AGPAT4: variants seen among roughly 807,000 people sequenced by gnomAD.
The protein encoded by AGPAT4 is 1-acyl-sn-glycerol-3-phosphate acyltransferase delta.
In AGPAT4, 15 loss-of-function variants were observed where a neutral mutation model predicts 48.0. The observed-to-expected ratio is 0.31, with a 90% CI of 0.21 to 0.48. The LOEUF (loss-of-function observed/expected upper bound fraction) is 0.48. Among genes scored for constraint, AGPAT4 ranks in the 20% least tolerant of loss-of-function variants. AGPAT4 has a pLI of 0.99. For missense variants in AGPAT4, 314 were observed against 482.5 expected (o/e 0.65, Z 3.27); for synonymous variants, 178 against 198.7 (o/e 0.90, Z 0.88).
rs1167676811 is a variant in AGPAT4 at position 161,139,498 on chromosome 6, G to T, written c.966C>A (p.Phe322Leu). 1 of 1,614,000 alleles carries T rather than the reference G, an allele frequency of 6.2e-7. No individual in the cohort carries two copies. The highest frequency in any genetic ancestry group is 8.5e-7 in the Non-Finnish European group (1 of 1,180,028). Residue 322 changes from phenylalanine (F) to leucine (L), a missense_variant, in exon 8 of 9, where the codon TTC (phenylalanine) becomes TTA (leucine). By Grantham distance (22) the Phe-to-Leu change is conservative. Transcript: ENST00000320285. This position sits in a 1 kb window ranked among gnomAD's most constrained non-coding sequence, Gnocchi z 9.1. ...LFWASLVLYP[F>L]FQFLVSMIRS... ...TGATCATGCTGACCAGGAACTGGAA[G>T]AAAGGGTAGAGCACCAGCGAGGCCC...
chr6:161,269,459 G>C (rs1582925008), intron 1 of AGPAT4, among the ~76,000 whole-genome samples: 1 of 152,180 alleles, frequency 6.6e-6, no homozygotes, highest in East Asian at 1.9e-4. Context: ...TGTTTCATTG[G>C]CCAATAAATG....
chr6:161,163,434 G>A (rs1286580258), intron 3 of AGPAT4, among the ~76,000 whole-genome samples: 1 of 152,122 alleles, frequency 6.6e-6, no homozygotes, highest in Non-Finnish European at 1.5e-5. Flanking sequence ...GACAAAAGAT[G>A]TTGCTGAACA....
At position 161,231,821 on chromosome 6, in the gene AGPAT4, T is replaced by C. The variant is rs184381513; in HGVS notation, c.178+215A>G. Among the ~76,000 whole-genome samples the C allele has an allele frequency of 9.2e-5, 14 of 152,308 alleles. No homozygotes were observed. In the East Asian group the frequency reaches 2.7e-3, roughly 29 times the overall value. Reference sequence around the variant, plus strand: ...GTATTTACTTTTCATAGTATACCTGTCTGTGGCTGTTGAATTTTGAGCTAC... The same window carrying C: ...GTATTTACTTTTCATAGTATACCTGCCTGTGGCTGTTGAATTTTGAGCTAC... On this transcript the variant is annotated intron_variant, in intron 2 of 8. Transcript: ENST00000320285. This position sits in a 1 kb window ranked among gnomAD's most constrained non-coding sequence, Gnocchi z 5.3.
chr6:161,169,024 T>A lies in AGPAT4; in HGVS notation c.179-2607A>T, dbSNP rs1780193807. 2.0e-5 allele frequency among the ~76,000 whole-genome samples: 3 copies of A among 152,164 alleles called. No homozygotes were observed. Among genetic ancestry groups the A allele is most frequent in the African/African-American group, 7.2e-5 (3 of 41,424 alleles). On this transcript the variant is annotated intron_variant, in intron 2 of 8. Transcript: ENST00000320285. This position sits in a 1 kb window ranked among gnomAD's most constrained non-coding sequence, Gnocchi z 5.0. ...GGCAATCAATAAATGGACAGCTTTTTAATTACTATTATATGCCTGATAATT... is the reference window on the plus strand; with the variant it reads ...GGCAATCAATAAATGGACAGCTTTTAAATTACTATTATATGCCTGATAATT...
chr6:161,238,956 T>C lies in AGPAT4; in HGVS notation c.-89-6654A>G, dbSNP rs1782397553. The stretch of plus-strand genomic sequence containing the variant: ...TGCAGAACTGTGAGTCAATTAAACC[T>C]CTTTCCTTTATAAATTACCCAGTCT... On this transcript the variant is annotated intron_variant, in intron 1 of 8. Transcript: ENST00000320285. This position sits in a 1 kb window ranked among gnomAD's most constrained non-coding sequence, Gnocchi z 5.2. Among the ~76,000 whole-genome samples, 1 of 152,246 alleles carries C rather than the reference T, an allele frequency of 6.6e-6. No individual in the cohort carries two copies. The highest frequency in any genetic ancestry group is 1.9e-4 in the East Asian group (1 of 5,202).
Position 161,234,586 on chromosome 6 carries a change from A to G in AGPAT4, c.-89-2284T>C, listed in dbSNP as rs918102774. On this transcript the variant is annotated intron_variant, in intron 1 of 8. Transcript: ENST00000320285. The surrounding 1 kb of genome is among the most constrained non-coding windows in gnomAD (Gnocchi z 4.4). ...AGCCACATAAATAGGAGGGGTTTAC[A>G]TGGGTTTGCAGCTTGGCAGCAGTAA... 6.6e-6 allele frequency among the ~76,000 whole-genome samples: 1 copy of G among 152,168 alleles called. No homozygotes were observed. Among genetic ancestry groups the G allele is most frequent in the Admixed American group, 6.5e-5 (1 of 15,268 alleles).
In AGPAT4 at chr6:161,132,172, G is replaced by A. The variant is rs900414422; in HGVS notation, c.*4368C>T. The A allele has an allele frequency of 3.3e-5, 5 of 152,206 alleles. No homozygotes were observed. Among genetic ancestry groups the A allele is most frequent in the African/African-American group, 1.2e-4 (5 of 41,448 alleles). 9.4% of individuals were successfully genotyped at this position (152,206 alleles called of 1,614,324 possible). ...TTTGTCTGGCATGCACATTCAGGAT[G>A]TGACTTCAGCTTCATTCATCCTGGC... On this transcript the variant is annotated 3_prime_UTR_variant, in exon 9 of 9. Transcript: ENST00000320285.
intron 5 of AGPAT4, 91 bp downstream of exon 5, chr6:161,153,255 T>C (rs1005304068): frequency 6.7e-7 from 1 of 1,484,358 alleles, no homozygotes; most frequent in Non-Finnish European, 9.1e-7. Flanking sequence ...AGCTGGGAAG[T>C]GCTGGCAGGA....
rs1374794345 is a variant in AGPAT4, at chr6:161,189,504, A to G, written c.179-23087T>C. On this transcript the variant is annotated intron_variant, in intron 2 of 8. Coordinates refer to ENST00000320285, the MANE Select transcript of AGPAT4 (RefSeq NM_020133.3). This position sits in a 1 kb window ranked among gnomAD's most constrained non-coding sequence, Gnocchi z 5.3. The stretch of plus-strand genomic sequence containing the variant: ...CGTCACATGCGGAATTCACTTACTT[A>G]CAACCTTAGTTGCCCGTCAGGACTA... Among the ~76,000 whole-genome samples, 1 of 152,192 alleles carries G rather than the reference A, an allele frequency of 6.6e-6. No individual in the cohort carries two copies. Among genetic ancestry groups the G allele is most frequent in the Non-Finnish European group, 1.5e-5 (1 of 68,030 alleles).
Position 161,237,017 on chromosome 6 carries a change from G to T in AGPAT4, c.-89-4715C>A, listed in dbSNP as rs1425067049. ...GCAAAAGGGATCGCGGAAACACAAA[G>T]ACATTTTTAAATCATACAGAATAGG... On this transcript the variant is annotated intron_variant, in intron 1 of 8. Coordinates refer to ENST00000320285, the MANE Select transcript of AGPAT4 (RefSeq NM_020133.3). Among the ~76,000 whole-genome samples the T allele has an allele frequency of 2.0e-5, 3 of 152,134 alleles. No homozygotes were observed. In the East Asian group the frequency reaches 5.8e-4, roughly 29 times the overall value.
At chr6:161,167,689 G>A (rs931618346) in intron 2 of AGPAT4, among the ~76,000 whole-genome samples, 1 of 152,172 alleles carries the variant, frequency 6.6e-6, no homozygotes, top group Admixed American at 6.5e-5. Context: ...TTCTCCTCCA[G>A]GCTGGAAGCT....
rs953243825 is a variant in AGPAT4, at chr6:161,144,090, C to A, written c.843+2434G>T. The A allele has an allele frequency of 7.6e-6, 4 of 528,464 alleles. No individual in the cohort carries two copies. Among genetic ancestry groups the A allele is most frequent in the African/African-American group, 5.8e-5 (3 of 51,872 alleles). The allele number at this position is 528,464 out of a possible 1,614,324, so 32.7% of individuals were successfully genotyped here. A position where few individuals can be genotyped will look rare whatever the true frequency, so the allele number is the denominator to read the frequency against. On this transcript the variant is annotated intron_variant, in intron 7 of 8. Transcript: ENST00000320285. This position sits in a 1 kb window ranked among gnomAD's most constrained non-coding sequence, Gnocchi z 6.6. ...TAAAGCTTTAGATCTAGGCTCCTAG[C>A]AAAATAGGCTGATACAGAAAGGAAT...
chr6:161,194,785 G>A (rs1781027925), intron 2 of AGPAT4, among the ~76,000 whole-genome samples: 2 of 152,154 alleles, frequency 1.3e-5, no homozygotes, highest in Admixed American at 6.5e-5. Context: ...TTTCTTGACA[G>A]AGGAAACTTA....
rs1169382621 is a variant in AGPAT4, at chr6:161,244,392, C to CA, written c.-89-12091dup. ...TGATCTTTAATATTTCAAAATACGA[C>CA]AAAAACAAATAATAAAAAGCCTTTA... On this transcript the variant is annotated intron_variant, in intron 1 of 8. Coordinates refer to ENST00000320285, the MANE Select transcript of AGPAT4 (RefSeq NM_020133.3). The surrounding 1 kb of genome is among the most constrained non-coding windows in gnomAD (Gnocchi z 4.7). Among the ~76,000 whole-genome samples, 1 of 152,088 alleles carries CA rather than the reference C, an allele frequency of 6.6e-6. No homozygotes were observed. The highest frequency in any genetic ancestry group is 1.5e-5 in the Non-Finnish European group (1 of 68,022).
rs1781345006 is a variant in AGPAT4, at chr6:161,205,090, G to C, written c.178+26946C>G. On this transcript the variant is annotated intron_variant, in intron 2 of 8. Coordinates refer to ENST00000320285, the MANE Select transcript of AGPAT4 (RefSeq NM_020133.3). ...ACTCTGTGCTGGAAGGGACGTTTGGGAAGCACAGCAACGCCGTTTTGCTCA... is the reference window on the plus strand; with the variant it reads ...ACTCTGTGCTGGAAGGGACGTTTGGCAAGCACAGCAACGCCGTTTTGCTCA... 2.0e-5 allele frequency among the ~76,000 whole-genome samples: 3 copies of C among 152,138 alleles called. No homozygotes were observed. In the South Asian group the frequency reaches 6.2e-4, roughly 31 times the overall value.
In AGPAT4 at chr6:161,178,651, GTGAGA is replaced by G. The variant is rs1177072653; in HGVS notation, c.179-12239_179-12235del. On this transcript the variant is annotated intron_variant, in intron 2 of 8. Coordinates refer to ENST00000320285, the MANE Select transcript of AGPAT4 (RefSeq NM_020133.3). The surrounding 1 kb of genome is among the most constrained non-coding windows in gnomAD (Gnocchi z 5.1). Reference sequence around the variant, plus strand: ...TGCACCCACTGTCCGACAAGCCCCAGTGAGATGAACCTGGTACCTCAGTTGGAAGT... The same window carrying G: ...TGCACCCACTGTCCGACAAGCCCCAGTGAACCTGGTACCTCAGTTGGAAGT... Among the ~76,000 whole-genome samples, 6 of 152,292 alleles carry G rather than the reference GTGAGA, an allele frequency of 3.9e-5. No individual in the cohort carries two copies. The highest frequency in any genetic ancestry group is 2.0e-4 in the Admixed American group (3 of 15,302).
chr6:161,163,525 G>A (rs146923304), intron 3 of AGPAT4, among the ~76,000 whole-genome samples: 207 of 152,270 alleles, frequency 1.4e-3, no homozygotes, highest in Non-Finnish European at 2.5e-3. Flanking sequence ...ACCGTCATGG[G>A]CCACAGCTCT....
At position 161,178,765 on chromosome 6, in the gene AGPAT4, A is replaced by G. The variant is rs1780502309; in HGVS notation, c.179-12348T>C. Among the ~76,000 whole-genome samples the G allele has an allele frequency of 1.3e-5, 2 of 152,156 alleles. No individual in the cohort carries two copies. The highest frequency in any genetic ancestry group is 2.9e-5 in the Non-Finnish European group (2 of 68,018). On this transcript the variant is annotated intron_variant, in intron 2 of 8. Coordinates refer to ENST00000320285, the MANE Select transcript of AGPAT4 (RefSeq NM_020133.3). This position sits in a 1 kb window ranked among gnomAD's most constrained non-coding sequence, Gnocchi z 5.1. ...CTATTCGGCCATCTTGCCATGGTTG[A>G]TCACTTTTGTCATATTTTTAAAATT...
At chr6:161,228,050 A>T (rs1208772156) in intron 2 of AGPAT4, among the ~76,000 whole-genome samples, 1 of 152,152 alleles carries the variant, frequency 6.6e-6, no homozygotes, top group Admixed American at 6.5e-5. Context: ...AAAGATCAAG[A>T]CACCCTCGCC....
Sources: allele counts gnomAD v4.1 joint callset (sites outside exome capture counted in the v4.1 genomes callset), GRCh38; gene constraint gnomAD v4.1.1; non-coding constraint Gnocchi (gnomAD v3.1); transcripts MANE v1.5; gene names NCBI Gene and HGNC (gene_info 2026-07-23, HGNC 2026-07-21).